Variants in JARID2 observed in about 807,000 individuals in gnomAD.
JARID2 encodes protein Jumonji.
In JARID2, 21 loss-of-function variants were observed where a neutral mutation model predicts 125.6. That is an observed-to-expected ratio of 0.17 (90% CI 0.12 to 0.24). The LOEUF (loss-of-function observed/expected upper bound fraction) is 0.24, where lower values mean the gene tolerates loss of function less well. Among genes scored for constraint, JARID2 ranks in the 10% least tolerant of loss-of-function variants. The pLI is 1.00. For synonymous variants in JARID2, 736 were observed against 661.6 expected (o/e 1.11, Z -1.73); for missense variants, 1,303 against 1,639.6 (o/e 0.79, Z 3.55).
intron 16 of JARID2, among the ~76,000 whole-genome samples, chr6:15,515,750 TTAAAAAAAAAAAACAAAAACAAAAACC>T (rs1472390896): frequency 9.8e-6 from 1 of 102,386 alleles, no homozygotes; most frequent in East Asian, 3.6e-4. Flanking sequence ...ACCTGTCTCT[TTAAAAAAAAAAAACAAAAACAAAAACC>T]AGGCACGGTG....
intron 3 of JARID2, among the ~76,000 whole-genome samples, chr6:15,424,777 TG>T (rs1766650995): frequency 6.6e-6 from 1 of 152,166 alleles, no homozygotes; most frequent in Non-Finnish European, 1.5e-5. Context: ...GAGAATCGCT[TG>T]AACCAAGGAG....
chr6:15,492,695 T>C (rs1446465849), intron 6 of JARID2, among the ~76,000 whole-genome samples: 1 of 152,176 alleles, frequency 6.6e-6, no homozygotes, highest in Non-Finnish European at 1.5e-5. Flanking sequence ...TGTTAGCTTT[T>C]CAGCTCCCCT....
At position 15,508,553 on chromosome 6, in the gene JARID2, G is replaced by C; in HGVS notation, c.2846+99G>C. 4.2e-6 allele frequency: 3 copies of C among 722,086 alleles called. No individual in the cohort carries two copies. In the South Asian group the frequency reaches 4.7e-5, roughly 11 times the overall value. 44.7% of individuals were successfully genotyped at this position (722,086 alleles called of 1,614,324 possible). Reference sequence around the variant, plus strand: ...TAACTTCTTGTCCAGGTGGTTCCACGTGCTTGAGAACTTGCTTCTCTGTGT... The same window carrying C: ...TAACTTCTTGTCCAGGTGGTTCCACCTGCTTGAGAACTTGCTTCTCTGTGT... On this transcript the variant is annotated intron_variant, in intron 12 of 17. Coordinates refer to ENST00000341776, the MANE Select transcript of JARID2 (RefSeq NM_004973.4).
At chr6:15,456,778 C>G (rs1238703367) in intron 4 of JARID2, among the ~76,000 whole-genome samples, 2 of 150,652 alleles carry the variant, frequency 1.3e-5, no homozygotes, top group Non-Finnish European at 2.9e-5. Flanking sequence ...TAATTAAAAC[C>G]TGTATTTCAG....
At chr6:15,511,425 C>T (rs768783610) in intron 13 of JARID2, 24 bp downstream of exon 13, 2 of 1,507,074 alleles carry the variant, frequency 1.3e-6, no homozygotes, top group Non-Finnish European at 1.8e-6. Flanking sequence ...GCCACCGCCT[C>T]CAGCAGGAGC....
chr6:15,272,894 T>G (rs1253922153), intron 1 of JARID2, among the ~76,000 whole-genome samples: 1 of 152,254 alleles, frequency 6.6e-6, no homozygotes, highest in Non-Finnish European at 1.5e-5. Context: ...TCACTAAGTT[T>G]ATTTTCTTCT....
intron 3 of JARID2, among the ~76,000 whole-genome samples, chr6:15,437,407 T>C (rs762781292): frequency 6.6e-6 from 1 of 152,170 alleles, no homozygotes; most frequent in Non-Finnish European, 1.5e-5. Context: ...TGGCCTCAGC[T>C]CCTTATGCAC....
At chr6:15,411,223 C>G (rs1377222003) in intron 3 of JARID2, among the ~76,000 whole-genome samples, 2 of 151,980 alleles carry the variant, frequency 1.3e-5, no homozygotes, top group Non-Finnish European at 2.9e-5. Flanking sequence ...TCTCTGTTTA[C>G]TCATTCTGGA....
intron 8 of JARID2, among the ~76,000 whole-genome samples, chr6:15,503,365 A>G (rs1770833471): frequency 6.6e-6 from 1 of 152,200 alleles, no homozygotes; most frequent in Admixed American, 6.5e-5. Flanking sequence ...TTAGAACCCC[A>G]TCTAGTTCCT....
intron 6 of JARID2, among the ~76,000 whole-genome samples, chr6:15,488,934 G>A (rs1037774415): frequency 2.6e-5 from 4 of 152,124 alleles, no homozygotes; most frequent in Non-Finnish European, 4.4e-5. Flanking sequence ...ATTGGGCCCC[G>A]GATTGTCAGC....
intron 6 of JARID2, among the ~76,000 whole-genome samples, chr6:15,492,975 A>C (rs1411407775): frequency 6.6e-6 from 1 of 152,192 alleles, no homozygotes; most frequent in East Asian, 1.9e-4. Context: ...ATACCTTGCC[A>C]ATAATTCAGT....
At chr6:15,396,787 C>T (rs1765236026) in intron 2 of JARID2, among the ~76,000 whole-genome samples, 2 of 152,126 alleles carry the variant, frequency 1.3e-5, no homozygotes, top group Admixed American at 6.5e-5. Context: ...ATCTAAAATC[C>T]GGATAAGGAG....
rs116237626 is a variant in JARID2 at position 15,421,197 on chromosome 6, C to T, written c.323+10832C>T. On this transcript the variant is annotated intron_variant, in intron 3 of 17. Coordinates refer to ENST00000341776, the MANE Select transcript of JARID2 (RefSeq NM_004973.4). Reference sequence around the variant, plus strand: ...GAGGGATCATTTGTTTTCCATCCGTCAGGGATCACAGTATGTTGCTATATG... The same window carrying T: ...GAGGGATCATTTGTTTTCCATCCGTTAGGGATCACAGTATGTTGCTATATG... Among the ~76,000 whole-genome samples the T allele has an allele frequency of 5.0e-3, 759 of 152,234 alleles. 9 individuals carry two copies. Among genetic ancestry groups the T allele is most frequent in the African/African-American group, 0.018 (734 of 41,526 alleles).
chr6:15,418,410 T>C (rs1026963043), intron 3 of JARID2, among the ~76,000 whole-genome samples: 1 of 152,074 alleles, frequency 6.6e-6, no homozygotes, highest in Non-Finnish European at 1.5e-5. Context: ...TAGAGACGGT[T>C]TCACCATGTT....
intron 1 of JARID2, among the ~76,000 whole-genome samples, chr6:15,323,019 G>A: frequency 6.6e-6 from 1 of 152,308 alleles, no homozygotes; most frequent in East Asian, 1.9e-4. Context: ...GTAGCAGCAG[G>A]CTCATTCTAG....
At chr6:15,419,168 C>G (rs932223092) in intron 3 of JARID2, among the ~76,000 whole-genome samples, 1 of 152,118 alleles carries the variant, frequency 6.6e-6, no homozygotes, top group Non-Finnish European at 1.5e-5. Context: ...TTTCTCTTAA[C>G]CCTTGATTTA....
chr6:15,308,966 G>C (rs1761924707), intron 1 of JARID2, among the ~76,000 whole-genome samples: 1 of 152,222 alleles, frequency 6.6e-6, no homozygotes. Flanking sequence ...TTGAACATGA[G>C]TGACCTTTTT....
chr6:15,457,701 G>T (rs147142955), intron 4 of JARID2, among the ~76,000 whole-genome samples: 94 of 151,604 alleles, frequency 6.2e-4, no homozygotes, highest in African/African-American at 2.2e-3. Context: ...GTGAGGCCAA[G>T]GGAAAGACAG....
At chr6:15,264,678 A>G (rs924224359) in intron 1 of JARID2, among the ~76,000 whole-genome samples, 1 of 151,882 alleles carries the variant, frequency 6.6e-6, no homozygotes, top group African/African-American at 2.4e-5. Context: ...AGAATATCTA[A>G]GAAGGAGTTA....
Sources: allele counts gnomAD v4.1 joint callset (sites outside exome capture counted in the v4.1 genomes callset), GRCh38; gene constraint gnomAD v4.1.1; transcripts MANE v1.5; gene names NCBI Gene and HGNC (gene_info 2026-07-23, HGNC 2026-07-21).